Variants in GNAQ observed in about 807,000 individuals in gnomAD.
The protein encoded by GNAQ is G protein subunit alpha q.
GNAQ carries 8 observed loss-of-function variants against 43.9 expected under a neutral mutation model. The ratio of observed to expected loss-of-function variants is 0.18; its 90% CI spans 0.11 to 0.33. The LOEUF is 0.33. Among genes scored for constraint, GNAQ ranks in the 10% least tolerant of loss-of-function variants. GNAQ has a pLI of 1.00. For missense variants in GNAQ, 158 were observed against 450.8 expected (o/e 0.35, Z 5.88); for synonymous variants, 155 against 170.7 (o/e 0.91, Z 0.71).
chr9:77,848,013 G>A (rs1029248984), intron 2 of GNAQ, among the ~76,000 whole-genome samples: 8 of 152,180 alleles, frequency 5.3e-5, no homozygotes, highest in African/African-American at 1.4e-4. Flanking sequence ...TGATGTAGTC[G>A]TGTTGGATGC....
At chr9:77,817,297 T>TAAGTTCC (rs1276761090) in intron 2 of GNAQ, among the ~76,000 whole-genome samples, 1 of 152,180 alleles carries the variant, frequency 6.6e-6, no homozygotes, top group Non-Finnish European at 1.5e-5. Context: ...AATCATGGTT[T>TAAGTTCC]AAGTTCCAAG....
chr9:77,929,922 T>C (rs1829125147), intron 1 of GNAQ, among the ~76,000 whole-genome samples: 1 of 152,222 alleles, frequency 6.6e-6, no homozygotes, highest in African/African-American at 2.4e-5. Context: ...ATACTAATTA[T>C]TCTTCAGAAA....
chr9:77,948,870 C>T (rs1051298617), intron 1 of GNAQ, among the ~76,000 whole-genome samples: 2 of 152,076 alleles, frequency 1.3e-5, no homozygotes, highest in African/African-American at 4.8e-5. Context: ...AGCATCTGCC[C>T]CTAGATACTT....
At chr9:77,892,710 T>A (rs1368810649) in intron 2 of GNAQ, among the ~76,000 whole-genome samples, 2 of 152,188 alleles carry the variant, frequency 1.3e-5, no homozygotes, top group Admixed American at 6.6e-5. Context: ...ATCAAACATA[T>A]GCTACTCATT....
At chr9:77,947,281 G>A (rs553780489) in intron 1 of GNAQ, among the ~76,000 whole-genome samples, 7 of 152,334 alleles carry the variant, frequency 4.6e-5, no homozygotes, top group Non-Finnish European at 8.8e-5. Context: ...ATTTCCACAA[G>A]GAGGCAAGCA....
At chr9:77,731,154 C>A (rs770975675) in intron 5 of GNAQ, among the ~76,000 whole-genome samples, 2 of 152,108 alleles carry the variant, frequency 1.3e-5, no homozygotes, top group Non-Finnish European at 2.9e-5. Flanking sequence ...CCTTTTCTGG[C>A]TGGAGACTTT....
At position 77,899,976 on chromosome 9, in the gene GNAQ, G is replaced by C. The variant is rs549968193; in HGVS notation, c.321+22185C>G. 7.9e-5 allele frequency among the ~76,000 whole-genome samples: 12 copies of C among 152,212 alleles called. No individual in the cohort carries two copies. In the South Asian group the frequency reaches 1.7e-3, roughly 21 times the overall value. ...AAAGACAATATGCCCTTTAAATTTT[G>C]TTACCTGCTGCCAACCTGTCCACTC... is the stretch of plus-strand genomic sequence containing the variant. On this transcript the variant is annotated intron_variant, in intron 2 of 6. Coordinates refer to ENST00000286548, the MANE Select transcript of GNAQ (RefSeq NM_002072.5).
intron 2 of GNAQ, among the ~76,000 whole-genome samples, chr9:77,819,904 T>A (rs1827085202): frequency 6.6e-6 from 1 of 151,884 alleles, no homozygotes; most frequent in Non-Finnish European, 1.5e-5. Flanking sequence ...CACCCAGTAC[T>A]AGCTGACTGT....
At chr9:77,877,438 C>T (rs942279994) in intron 2 of GNAQ, among the ~76,000 whole-genome samples, 3 of 152,050 alleles carry the variant, frequency 2.0e-5, no homozygotes, top group African/African-American at 4.8e-5. Context: ...ACTTGAAAAT[C>T]GAAGCTGAAT....
chr9:77,739,992 T>C (rs568881559), intron 5 of GNAQ, among the ~76,000 whole-genome samples: 104 of 152,298 alleles, frequency 6.8e-4, no homozygotes, highest in Non-Finnish European at 1.2e-3. Flanking sequence ...CATCAGCGCA[T>C]CAGACAGAAT....
intron 5 of GNAQ, among the ~76,000 whole-genome samples, chr9:77,751,512 T>G (rs1450818555): frequency 6.6e-6 from 1 of 152,178 alleles, no homozygotes; most frequent in South Asian, 2.1e-4. Context: ...GAAAGCCCAG[T>G]AGAGAAAAGA....
intron 2 of GNAQ, among the ~76,000 whole-genome samples, chr9:77,866,428 G>A (rs937329868): frequency 4.6e-5 from 7 of 152,132 alleles, no homozygotes; most frequent in African/African-American, 1.7e-4. Flanking sequence ...AGTAAGCTGA[G>A]TACTGTCTCA....
intron 1 of GNAQ, among the ~76,000 whole-genome samples, chr9:77,985,729 G>A: frequency 6.6e-6 from 1 of 152,126 alleles, no homozygotes; most frequent in East Asian, 1.9e-4. Flanking sequence ...TGGGATTACA[G>A]GCATGCACCA....
chr9:77,805,948 TTTCA>T (rs1826823097), intron 3 of GNAQ, among the ~76,000 whole-genome samples: 1 of 152,160 alleles, frequency 6.6e-6, no homozygotes, highest in South Asian at 2.1e-4. Context: ...TGGTAAATAG[TTTCA>T]TTATCTTATG....
chr9:77,937,861 C>T (rs1311058653), intron 1 of GNAQ, among the ~76,000 whole-genome samples: 1 of 152,116 alleles, frequency 6.6e-6, no homozygotes, highest in Non-Finnish European at 1.5e-5. Context: ...CATTGCACTC[C>T]AGTCTGGGCA....
intron 2 of GNAQ, among the ~76,000 whole-genome samples, chr9:77,855,480 G>T (rs1200898783): frequency 6.6e-6 from 1 of 152,036 alleles, no homozygotes; most frequent in African/African-American, 2.4e-5. Flanking sequence ...ATTTTGCATG[G>T]TATATCTATA....
chr9:78,028,031 C>T (rs903810391), intron 1 of GNAQ, among the ~76,000 whole-genome samples: 7 of 151,970 alleles, frequency 4.6e-5, no homozygotes, highest in Admixed American at 1.3e-4. Flanking sequence ...TATCTATGTA[C>T]CACCAACAGA....
Position 77,718,801 on chromosome 9 carries a change from C to CT in GNAQ, c.*2521dup, listed in dbSNP as rs1213105522. Reference sequence around the variant, plus strand: ...CTTTCAGGCAAGCAGTGGTCTCTAGCTGTTAAAACATTTCCTTAGTGGATC... The same window carrying CT: ...CTTTCAGGCAAGCAGTGGTCTCTAGCTTGTTAAAACATTTCCTTAGTGGATC... On this transcript the variant is annotated 3_prime_UTR_variant, in exon 7 of 7. Transcript: ENST00000286548. 1 of 186,584 alleles carries CT rather than the reference C, an allele frequency of 5.4e-6. No homozygotes were observed. The highest frequency in any genetic ancestry group is 2.7e-5 in the African/African-American group (1 of 37,630). 11.6% of individuals were successfully genotyped at this position (186,584 alleles called of 1,614,324 possible).
intron 2 of GNAQ, among the ~76,000 whole-genome samples, chr9:77,894,219 T>G (rs1211204314): frequency 7.6e-6 from 1 of 131,794 alleles, no homozygotes; most frequent in East Asian, 2.1e-4. Context: ...GGTATTACAG[T>G]ATTCTTAAAA....
Sources: gnomAD v4.1 joint callset for allele counts (sites outside exome capture counted in the v4.1 genomes callset) on GRCh38, gnomAD v4.1.1 for gene constraint, MANE v1.5 for transcripts, NCBI Gene and HGNC (gene_info 2026-07-23, HGNC 2026-07-21) for gene names.